Variants in MOV10L1 observed in about 807,000 individuals in gnomAD.
MOV10L1 encodes RNA helicase Mov10l1.
A neutral mutation model predicts 143.8 loss-of-function variants in MOV10L1; 110 were observed. The ratio of observed to expected loss-of-function variants is 0.76; its 90% CI spans 0.66 to 0.90. The LOEUF is 0.90. Among genes scored for constraint, MOV10L1 ranks in the 40% least tolerant of loss-of-function variants. The pLI, the probability that MOV10L1 is intolerant of heterozygous loss-of-function variation, is 0.00. For missense variants in MOV10L1, 1,406 were observed against 1,526.8 expected, an observed-to-expected ratio of 0.92 and a Z score of 1.32; for synonymous variants, 593 against 581.1, an observed-to-expected ratio of 1.02 and a Z score of -0.29.
intron 15 of MOV10L1, among the ~76,000 whole-genome samples, chr22:50,135,628 GTAA>G (rs1170726741): frequency 6.6e-6 from 1 of 151,510 alleles, no homozygotes; most frequent in African/African-American, 2.4e-5. Context: ...GTGTACACCT[GTAA>G]TCCCAGCTAC....
At chr22:50,147,650 G>A (rs1185997282) in intron 19 of MOV10L1, among the ~76,000 whole-genome samples, 1 of 152,226 alleles carries the variant, frequency 6.6e-6, no homozygotes, top group Non-Finnish European at 1.5e-5. Context: ...TTGGCCACTG[G>A]GGGCGGCTGG....
In MOV10L1 at chr22:50,161,525, T is replaced by C. The variant is rs111586529; in HGVS notation, c.*76T>C. 8 of 1,409,552 alleles carry C rather than the reference T, an allele frequency of 5.7e-6. No homozygotes were observed. The highest frequency in any genetic ancestry group is 2.9e-5 in the African/African-American group (2 of 70,096). The allele number at this position is 1,409,552 out of a possible 1,614,324, so 87.3% of individuals were successfully genotyped here. On this transcript the variant is annotated 3_prime_UTR_variant, in exon 27 of 27. Coordinates refer to ENST00000262794, the MANE Select transcript of MOV10L1 (RefSeq NM_018995.3). ...CCGTTACAGTCTGCTCCGTGGCTCC[T>C]GTGGCCTGCCCTTGTCTCGCAGCCA...
intron 10 of MOV10L1, among the ~76,000 whole-genome samples, chr22:50,124,608 G>T (rs886914046): frequency 6.6e-6 from 1 of 152,200 alleles, no homozygotes; most frequent in African/African-American, 2.4e-5. Flanking sequence ...CGGGCAGGCT[G>T]CTGTGAGTTT....
At chr22:50,128,287 C>A in intron 12 of MOV10L1, 129 bp from the exon 13 acceptor site, 2 of 614,124 alleles carry the variant, frequency 3.3e-6, no homozygotes, top group Admixed American at 3.1e-5. Flanking sequence ...TGATTTAATC[C>A]TTTTCAACTA....
At chr22:50,110,556 T>C (rs138219) in intron 5 of MOV10L1, among the ~76,000 whole-genome samples, 104,072 of 152,092 alleles carry the variant, frequency 0.68, 36,720 homozygotes, top group South Asian at 0.8. Flanking sequence ...TGGTGATTGC[T>C]GTTTTGGGTG....
At chr22:50,119,112 G>C (rs899606508) in intron 9 of MOV10L1, among the ~76,000 whole-genome samples, 1 of 152,136 alleles carries the variant, frequency 6.6e-6, no homozygotes, top group Non-Finnish European at 1.5e-5. Flanking sequence ...GTTATCATTT[G>C]GCTTAACAGA....
At chr22:50,141,339 T>C (rs2062979886) in intron 15 of MOV10L1, among the ~76,000 whole-genome samples, 1 of 151,628 alleles carries the variant, frequency 6.6e-6, no homozygotes, top group South Asian at 2.1e-4. Context: ...TGCAGCCTTT[T>C]TTTTTTTTAT....
intron 5 of MOV10L1, among the ~76,000 whole-genome samples, chr22:50,112,677 T>C (rs566981738): frequency 2.4e-4 from 36 of 152,232 alleles, no homozygotes; most frequent in Admixed American, 7.8e-4. Flanking sequence ...TGGCCCCGGG[T>C]GGGGCAGCCC....
At chr22:50,131,393 C>G (rs1041921221) in intron 13 of MOV10L1, among the ~76,000 whole-genome samples, 2 of 152,132 alleles carry the variant, frequency 1.3e-5, no homozygotes, top group Non-Finnish European at 2.9e-5. Context: ...CAGACTACAG[C>G]TTGTATTTTC....
At chr22:50,101,779 T>A (rs1339719149) in intron 3 of MOV10L1, among the ~76,000 whole-genome samples, 2 of 149,282 alleles carry the variant, frequency 1.3e-5, no homozygotes, top group Non-Finnish European at 3.0e-5. Flanking sequence ...CCCAAAGTGC[T>A]GGGATTATAG....
intron 20 of MOV10L1, among the ~76,000 whole-genome samples, chr22:50,150,406 C>T (rs916517384): frequency 2.0e-5 from 3 of 152,232 alleles, no homozygotes; most frequent in African/African-American, 7.2e-5. Context: ...GGATGGCGGC[C>T]AGGGCCAGCC....
At position 50,098,521 on chromosome 22, in the gene MOV10L1, T is replaced by C. The variant is rs1331624064; in HGVS notation, c.283-922T>C. 2.0e-5 allele frequency among the ~76,000 whole-genome samples: 3 copies of C among 152,248 alleles called. No individual in the cohort carries two copies. In the East Asian group the frequency reaches 5.8e-4, roughly 29 times the overall value. The stretch of plus-strand genomic sequence containing the variant: ...TGTTTTCCCTTTCTTTGGATCATTT[T>C]TCTTGATTTCCTTTTTGGATTTTTC... On this transcript the variant is annotated intron_variant, in intron 2 of 26. Transcript: ENST00000262794.
At chr22:50,143,916 A>C (rs111829833) in intron 17 of MOV10L1, among the ~76,000 whole-genome samples, 181 bp from the exon 18 acceptor site, 6 of 152,280 alleles carry the variant, frequency 3.9e-5, no homozygotes, top group African/African-American at 1.4e-4. Flanking sequence ...CACCTAACCC[A>C]TGCTTTGGCA....
At chr22:50,140,779 G>T (rs903952813) in intron 15 of MOV10L1, among the ~76,000 whole-genome samples, 1 of 151,238 alleles carries the variant, frequency 6.6e-6, no homozygotes, top group Non-Finnish European at 1.5e-5. Flanking sequence ...CTGCAGTGTA[G>T]TGTCGCAATC....
chr22:50,106,325 C>CT (rs1165257394), intron 3 of MOV10L1, among the ~76,000 whole-genome samples: 35,348 of 93,996 alleles, frequency 0.38, 7,663 homozygotes, highest in South Asian at 0.55. Context: ...CCAACTAATT[C>CT]TTTTTTTTTT....
chr22:50,090,101 G>A lies in MOV10L1; in HGVS notation c.13G>A (p.Ala5Thr), dbSNP rs1316523257. The A allele has an allele frequency of 4.4e-6, 6 of 1,349,004 alleles. No individual in the cohort carries two copies. The highest frequency in any genetic ancestry group is 4.8e-4 in the Middle Eastern group (2 of 4,206). 83.6% of individuals were successfully genotyped at this position (1,349,004 alleles called of 1,614,324 possible). The change falls in exon 1 of 27, where the codon GCA becomes ACA. Residue 5 changes from alanine to threonine, a missense_variant. Transcript: ENST00000262794. ...CCGGGCGAGGGCCATGCTGAGCCTC[G>A]CAGCCAAGCTGGTGGCCTTCTTCTG... MLSL[A>T]AKLVAFFWRT...
At chr22:50,093,017 C>A (rs2062493301) in intron 2 of MOV10L1, 1 of 152,220 alleles carries the variant, frequency 6.6e-6, no homozygotes, top group South Asian at 2.1e-4. Flanking sequence ...TCTCCTGCCT[C>A]AGCCTCCTGA....
chr22:50,108,412 G>A (rs771831288), intron 4 of MOV10L1, 164 bp downstream of exon 4: 46 of 803,928 alleles, frequency 5.7e-5, no homozygotes, highest in Admixed American at 3.2e-4. Flanking sequence ...GCTGTGTTTC[G>A]TTTGGAAACA....
At chr22:50,121,148 G>T (rs114634718) in intron 10 of MOV10L1, among the ~76,000 whole-genome samples, 1 of 152,124 alleles carries the variant, frequency 6.6e-6, no homozygotes, top group Non-Finnish European at 1.5e-5. Flanking sequence ...TGTCCAGGAG[G>T]GTTTTTTTCT....
Sources: gnomAD v4.1 joint callset for allele counts (sites outside exome capture counted in the v4.1 genomes callset) on GRCh38, gnomAD v4.1.1 for gene constraint, MANE v1.5 for transcripts, NCBI Gene and HGNC (gene_info 2026-07-23, HGNC 2026-07-21) for gene names.